FRMPD4: variants seen among roughly 807,000 people sequenced by gnomAD.
FRMPD4 encodes FERM and PDZ domain-containing protein 4.
FRMPD4 carries 22 observed loss-of-function variants against 94.1 expected under a neutral mutation model. The observed-to-expected ratio is 0.23, with a 90% confidence interval of 0.17 to 0.33. The LOEUF (loss-of-function observed/expected upper bound fraction) is 0.33. FRMPD4 is among the 10% of genes least tolerant of loss of function. The pLI, the probability that FRMPD4 is intolerant of heterozygous loss-of-function variation, is 1.00. For synonymous variants in FRMPD4, 631 were observed against 548.6 expected, an observed-to-expected ratio of 1.15 and a Z score of -2.10; for missense variants, 1,111 against 1,339.9, an observed-to-expected ratio of 0.83 and a Z score of 2.67.
intron 1 of FRMPD4, among the ~76,000 whole-genome samples, chrX:12,278,426 C>G (rs1282560763): frequency 1.8e-5 from 2 of 112,113 alleles, no homozygotes; most frequent in Non-Finnish European, 3.8e-5. Flanking sequence ...CAGATTCCAC[C>G]TATCACTCAT....
intron 3 of FRMPD4, among the ~76,000 whole-genome samples, chrX:12,033,691 T>G (rs2054704459): frequency 9.0e-6 from 1 of 111,387 alleles, no homozygotes; most frequent in Non-Finnish European, 1.9e-5. Context: ...TTTTGTTTTA[T>G]CTTATTTTAT....
At chrX:12,108,488 A>G (rs1267490451) in intron 3 of FRMPD4, among the ~76,000 whole-genome samples, 1 of 112,458 alleles carries the variant, frequency 8.9e-6, no homozygotes, top group Non-Finnish European at 1.9e-5. Flanking sequence ...TGTAAAGACC[A>G]TCAATGCTAG....
chrX:12,185,057 G>A (rs2056407337), intron 1 of FRMPD4, among the ~76,000 whole-genome samples: 1 of 111,516 alleles, frequency 9.0e-6, no homozygotes, highest in African/African-American at 3.3e-5. Flanking sequence ...CATTTTCTAT[G>A]ATGTGATTTT....
intron 1 of FRMPD4, among the ~76,000 whole-genome samples, chrX:12,479,355 T>C (rs6641009): frequency 1.7e-4 from 16 of 96,604 alleles, no homozygotes; most frequent in Admixed American, 3.6e-4. Flanking sequence ...TATATATATA[T>C]ACACACACAC....
chrX:12,085,378 T>TA (rs568468391), intron 3 of FRMPD4, among the ~76,000 whole-genome samples: 9 of 111,055 alleles, frequency 8.1e-5, no homozygotes, highest in Admixed American at 4.8e-4. Context: ...TGAATTTTTT[T>TA]AAAAAAATAG....
chrX:12,073,100 T>C (rs1422052570), intron 3 of FRMPD4, among the ~76,000 whole-genome samples: 1 of 111,512 alleles, frequency 9.0e-6, no homozygotes, highest in Admixed American at 9.6e-5. Context: ...TTTTAACTAT[T>C]CTAGTTCATT....
At chrX:12,327,513 C>G (rs1437357612) in intron 1 of FRMPD4, among the ~76,000 whole-genome samples, 3 of 111,978 alleles carry the variant, frequency 2.7e-5, no homozygotes, top group Non-Finnish European at 5.6e-5. Context: ...CCAATCTGAT[C>G]AAACCTAATT....
intron 1 of FRMPD4, among the ~76,000 whole-genome samples, chrX:12,437,109 T>C (rs1476162234): frequency 8.9e-6 from 1 of 111,919 alleles, no homozygotes; most frequent in Non-Finnish European, 1.9e-5. Flanking sequence ...TTGTGCCTTT[T>C]TATTGCTTGG....
At chrX:12,203,420 A>C (rs1255368138) in intron 1 of FRMPD4, among the ~76,000 whole-genome samples, 1 of 111,677 alleles carries the variant, frequency 9.0e-6, no homozygotes, top group Non-Finnish European at 1.9e-5. Context: ...CCAACAAAAC[A>C]CTACATATAT....
intron 3 of FRMPD4, among the ~76,000 whole-genome samples, chrX:12,083,912 T>C (rs1422123857): frequency 8.9e-6 from 1 of 112,081 alleles, no homozygotes; most frequent in African/African-American, 3.2e-5. Context: ...AGGAAGTAAC[T>C]AGCTTGCTTT....
chrX:12,505,932 A>T (rs2148239087), intron 2 of FRMPD4, among the ~76,000 whole-genome samples: 1 of 111,577 alleles, frequency 9.0e-6, no homozygotes, highest in African/African-American at 3.2e-5. Flanking sequence ...CAAGGATGAT[A>T]AGAGATCACA....
At chrX:12,422,257 A>G (rs773621799) in intron 1 of FRMPD4, among the ~76,000 whole-genome samples, 1 of 112,129 alleles carries the variant, frequency 8.9e-6, no homozygotes, top group Non-Finnish European at 1.9e-5. Context: ...GTTGGGTTCA[A>G]CAAATGCTTA....
At chrX:12,077,216 T>C (rs1221434757) in intron 3 of FRMPD4, among the ~76,000 whole-genome samples, 1 of 112,501 alleles carries the variant, frequency 8.9e-6, no homozygotes, top group African/African-American at 3.2e-5. Flanking sequence ...TTTCCAGTTA[T>C]AAGCATTTTT....
intron 2 of FRMPD4, among the ~76,000 whole-genome samples, chrX:12,505,455 C>T (rs769204986): frequency 1.8e-5 from 2 of 110,920 alleles, no homozygotes; most frequent in South Asian, 3.9e-4. Context: ...GGGCCAGGAG[C>T]GATGTCTCAC....
At chrX:12,370,730 C>A (rs2056151169) in intron 1 of FRMPD4, among the ~76,000 whole-genome samples, 1 of 112,551 alleles carries the variant, frequency 8.9e-6, no homozygotes, top group Admixed American at 9.4e-5. Context: ...TTGTAATTCT[C>A]AAAGTTTTAG....
At chrX:12,088,061 G>A (rs1034647398) in intron 3 of FRMPD4, among the ~76,000 whole-genome samples, 7 of 112,478 alleles carry the variant, frequency 6.2e-5, no homozygotes, top group Admixed American at 5.6e-4. Flanking sequence ...AGGCAGAAGT[G>A]CAGGTGAGAG....
intron 1 of FRMPD4, among the ~76,000 whole-genome samples, chrX:12,203,117 G>A (rs143985985): frequency 0.022 from 2,481 of 111,674 alleles, 70 homozygotes; most frequent in African/African-American, 0.077. Flanking sequence ...TTCTTCCTTA[G>A]TGTTTCTCAT....
chrX:12,166,508 TTC>T (rs1387994102), intron 1 of FRMPD4, among the ~76,000 whole-genome samples: 2 of 111,565 alleles, frequency 1.8e-5, no homozygotes, highest in African/African-American at 6.5e-5. Flanking sequence ...TGGTCTAAAA[TTC>T]TCTTTTTTTG....
At chrX:12,234,295 A>G (rs2147782968) in intron 1 of FRMPD4, among the ~76,000 whole-genome samples, 1 of 111,831 alleles carries the variant, frequency 8.9e-6, no homozygotes, top group African/African-American at 3.2e-5. Flanking sequence ...AAAGAGAGAG[A>G]GAGTGTGTGT....
Sources: gnomAD v4.1 joint callset for allele counts (sites outside exome capture counted in the v4.1 genomes callset) on GRCh38, gnomAD v4.1.1 for gene constraint, MANE v1.5 for transcripts, NCBI Gene and HGNC (gene_info 2026-07-23, HGNC 2026-07-21) for gene names.